Variants in SCYL2 observed in about 807,000 individuals in gnomAD.
SCYL2 encodes the protein SCY1-like protein 2.
In SCYL2, 36 loss-of-function variants were observed where a neutral mutation model predicts 100.4. The ratio of observed to expected loss-of-function variants is 0.36; its 90% confidence interval spans 0.27 to 0.47. The LOEUF (loss-of-function observed/expected upper bound fraction) is 0.47. Ranked by LOEUF, SCYL2 falls within the 20% of genes least tolerant of loss-of-function variation. The pLI is 1.00. For missense variants in SCYL2, 902 were observed against 1,083.9 expected, an observed-to-expected ratio of 0.83 and a Z score of 2.36; for synonymous variants, 330 against 359.2, an observed-to-expected ratio of 0.92 and a Z score of 0.92.
intron 10 of SCYL2, among the ~76,000 whole-genome samples, chr12:100,322,400 TA>T (rs924862677): frequency 1.8e-4 from 23 of 125,038 alleles, no homozygotes; most frequent in Middle Eastern, 4.3e-3. Flanking sequence ...AAAAGAAAAC[TA>T]AAAAAAAAAG....
At chr12:100,300,643 C>T (rs2096326477) in intron 4 of SCYL2, among the ~76,000 whole-genome samples, 1 of 152,132 alleles carries the variant, frequency 6.6e-6, no homozygotes, top group Non-Finnish European at 1.5e-5. Context: ...CCCCCACCTC[C>T]CTCAACTGCC....
Position 100,298,040 on chromosome 12 carries a change from G to A in SCYL2, c.345G>A (p.Leu115=). Residue 115 remains leucine, a synonymous_variant, in exon 4 of 18, where the codon TTG becomes TTA. Coordinates refer to ENST00000360820, the MANE Select transcript of SCYL2 (RefSeq NM_017988.6). ...QHPLEESRDC[L]AFCTEPVFAS... Reference sequence around the variant, plus strand: ...TTCTTTTTTAAAACAGGGATTGCTTGGCATTTTGTACAGAACCAGTTTTTG... The same window carrying A: ...TTCTTTTTTAAAACAGGGATTGCTTAGCATTTTGTACAGAACCAGTTTTTG... 1 of 1,605,544 alleles carries A rather than the reference G, an allele frequency of 6.2e-7. No individual in the cohort carries two copies. The highest frequency in any genetic ancestry group is 1.1e-5 in the South Asian group (1 of 88,410).
chr12:100,315,526 T>A, intron 8 of SCYL2, 32 bp from the exon 9 acceptor site: 1 of 1,435,368 alleles, frequency 7.0e-7, no homozygotes, highest in South Asian at 1.4e-5. Flanking sequence ...ATAAATTTTA[T>A]TTTTTTTTTA....
intron 11 of SCYL2, among the ~76,000 whole-genome samples, chr12:100,324,637 C>A (rs1252913956): frequency 2.0e-5 from 3 of 152,086 alleles, no homozygotes; most frequent in Non-Finnish European, 4.4e-5. Context: ...AAAAAGAAAT[C>A]ATTACTGAAA....
chr12:100,298,004 TA>T, intron 3 of SCYL2, 26 bp from the exon 4 acceptor site: 1 of 1,568,458 alleles, frequency 6.4e-7, no homozygotes, highest in Non-Finnish European at 8.7e-7. Context: ...AATATGATAG[TA>T]AATAACTTTT....
Position 100,339,498 on chromosome 12 carries a change from T to C in SCYL2, c.*326T>C, listed in dbSNP as rs754750578. On this transcript the variant is annotated 3_prime_UTR_variant, in exon 18 of 18. Coordinates refer to ENST00000360820, the MANE Select transcript of SCYL2 (RefSeq NM_017988.6). ...TCAAATGTTTATTTTGGCTTGTGGA[T>C]CTTGGTGTTATTTAAAAAATTGAGG... 4 of 276,308 alleles carry C rather than the reference T, an allele frequency of 1.4e-5. No individual in the cohort carries two copies. Among genetic ancestry groups the C allele is most frequent in the Non-Finnish European group, 2.7e-5 (4 of 146,218 alleles). 17.1% of individuals were successfully genotyped at this position (276,308 alleles called of 1,614,324 possible).
chr12:100,323,022 T>C (rs557889771), intron 10 of SCYL2, among the ~76,000 whole-genome samples: 1 of 147,738 alleles, frequency 6.8e-6, no homozygotes, highest in East Asian at 2.0e-4. Flanking sequence ...AGCAAGGTCC[T>C]GTCTCAAGAA....
intron 1 of SCYL2, among the ~76,000 whole-genome samples, chr12:100,281,800 C>CT (rs2096298736): frequency 1.3e-5 from 2 of 148,458 alleles, no homozygotes; most frequent in South Asian, 2.1e-4. Flanking sequence ...TGCCACTGCA[C>CT]TCCAGCCTGG....
rs555771430 is a variant in SCYL2 at position 100,315,804 on chromosome 12, G to A, written c.1272+70G>A. 34 of 1,297,136 alleles carry A rather than the reference G, an allele frequency of 2.6e-5. No homozygotes were observed. In the South Asian group the frequency reaches 5.6e-4, roughly 21 times the overall value. 80.4% of individuals were successfully genotyped at this position (1,297,136 alleles called of 1,614,324 possible). A position where few individuals can be genotyped will look rare whatever the true frequency, so the allele number is the denominator to read the frequency against. On this transcript the variant is annotated intron_variant, in intron 9 of 17. Coordinates refer to ENST00000360820, the MANE Select transcript of SCYL2 (RefSeq NM_017988.6). ...ATTGTGACTATCACTGAAAACAAAA[G>A]GAATGAATATATGACTTAAAAAAAA...
intron 11 of SCYL2, among the ~76,000 whole-genome samples, chr12:100,326,289 A>C (rs757399239): frequency 6.6e-6 from 1 of 152,144 alleles, no homozygotes; most frequent in African/African-American, 2.4e-5. Flanking sequence ...TTATTATTCA[A>C]ATGTCCCCAA....
chr12:100,323,013 G>A (rs2096357859), intron 10 of SCYL2, among the ~76,000 whole-genome samples: 1 of 147,502 alleles, frequency 6.8e-6, no homozygotes, highest in African/African-American at 2.5e-5. Context: ...GGGTGACAGA[G>A]CAAGGTCCTG....
chr12:100,327,963 G>A (rs976776774), intron 12 of SCYL2, among the ~76,000 whole-genome samples: 1 of 151,904 alleles, frequency 6.6e-6, no homozygotes, highest in Non-Finnish European at 1.5e-5. Context: ...GATATCGCAT[G>A]AATCTTTTGT....
intron 3 of SCYL2, among the ~76,000 whole-genome samples, chr12:100,295,568 G>A (rs926643916): frequency 5.9e-5 from 9 of 151,802 alleles, no homozygotes; most frequent in African/African-American, 9.7e-5. Flanking sequence ...GCGTGGCAGC[G>A]CGTGCCTGCA....
chr12:100,326,029 T>C (rs1447079919), intron 11 of SCYL2, among the ~76,000 whole-genome samples: 3 of 152,156 alleles, frequency 2.0e-5, no homozygotes, highest in Non-Finnish European at 4.4e-5. Flanking sequence ...CTTAAAGATA[T>C]TCTATCTTAA....
At chr12:100,304,606 A>G (rs2096331846) in intron 4 of SCYL2, among the ~76,000 whole-genome samples, 1 of 152,128 alleles carries the variant, frequency 6.6e-6, no homozygotes, top group African/African-American at 2.4e-5. Flanking sequence ...TCTACAGGCA[A>G]AACCAGCTAG....
chr12:100,335,591 T>G (rs759515115), intron 14 of SCYL2, 34 bp from the exon 15 acceptor site: 5 of 1,472,736 alleles, frequency 3.4e-6, no homozygotes, highest in Non-Finnish European at 1.9e-6. Context: ...TGCATTTCTT[T>G]TTATTGTTTT....
chr12:100,322,089 A>C (rs1033141184), intron 10 of SCYL2, among the ~76,000 whole-genome samples: 4 of 150,854 alleles, frequency 2.7e-5, no homozygotes, highest in South Asian at 2.1e-4. Context: ...AACTAAAAAA[A>C]GGGCCGGGCG....
At chr12:100,271,976 G>A (rs2096288123) in intron 1 of SCYL2, among the ~76,000 whole-genome samples, 1 of 152,142 alleles carries the variant, frequency 6.6e-6, no homozygotes, top group Non-Finnish European at 1.5e-5. Context: ...GCTACCTGCT[G>A]TCAGATGCTG....
rs1016234452 is a variant in SCYL2, at chr12:100,291,794, T to A, written c.335+134T>A. The A allele has an allele frequency of 1.2e-5, 9 of 760,080 alleles. No homozygotes were observed. The East Asian group carries it at 2.8e-4, about 23-fold the overall frequency. 47.1% of individuals were successfully genotyped at this position (760,080 alleles called of 1,614,324 possible). Reference sequence around the variant, plus strand: ...TAAGTGTTGAGTTCTTATGCATTAGTTTTCTCCCTAAAATTTATTTGCATT... The same window carrying A: ...TAAGTGTTGAGTTCTTATGCATTAGATTTCTCCCTAAAATTTATTTGCATT... On this transcript the variant is annotated intron_variant, in intron 3 of 17. Coordinates refer to ENST00000360820, the MANE Select transcript of SCYL2 (RefSeq NM_017988.6).
Sources: gnomAD v4.1 joint callset for allele counts (sites outside exome capture counted in the v4.1 genomes callset) on GRCh38, gnomAD v4.1.1 for gene constraint, MANE v1.5 for transcripts, NCBI Gene and HGNC (gene_info 2026-07-23, HGNC 2026-07-21) for gene names.